RARB: variants seen among roughly 807,000 people sequenced by gnomAD.
RARB encodes retinoic acid receptor beta.
Under a neutral mutation model 51.9 loss-of-function variants are expected in RARB, and 17 were observed. The observed-to-expected ratio is 0.33, with a 90% CI of 0.22 to 0.49. The LOEUF (loss-of-function observed/expected upper bound fraction) is 0.49, where lower values mean the gene tolerates loss of function less well. Ranked by LOEUF, RARB falls within the 20% of genes least tolerant of loss-of-function variation. The probability of loss-of-function intolerance (pLI) is 0.99; values close to 1 mark genes in which losing one functional copy is unlikely to be tolerated. For missense variants in RARB, 369 were observed against 550.8 expected (o/e 0.67, Z 3.30); for synonymous variants, 215 against 195.4 (o/e 1.10, Z -0.84).
At chr3:24,922,636 G>C (rs909875330) in intron 2 of RARB, among the ~76,000 whole-genome samples, 1 of 152,140 alleles carries the variant, frequency 6.6e-6, no homozygotes, top group Non-Finnish European at 1.5e-5. Context: ...AAATTATACT[G>C]CCTCATGGGT....
At chr3:24,958,266 T>G (rs1396726257) in intron 2 of RARB, among the ~76,000 whole-genome samples, 21 of 120,822 alleles carry the variant, frequency 1.7e-4, no homozygotes, top group Admixed American at 4.1e-4. Context: ...TTTTTTTTTT[T>G]TTTTTTTTTT....
At chr3:24,955,117 C>T (rs190833281) in intron 2 of RARB, among the ~76,000 whole-genome samples, 10 of 152,098 alleles carry the variant, frequency 6.6e-5, no homozygotes, top group East Asian at 1.9e-4. Flanking sequence ...GTGATGAATG[C>T]GGAGGATTTT....
chr3:25,373,683 T>A (rs1290812386), intron 5 of RARB, among the ~76,000 whole-genome samples: 1 of 152,096 alleles, frequency 6.6e-6, no homozygotes, highest in African/African-American at 2.4e-5. Context: ...CTCTGGTAAT[T>A]AAAAGGGGGC....
intron 5 of RARB, among the ~76,000 whole-genome samples, chr3:25,309,310 T>TG (rs2125432486): frequency 7.4e-6 from 1 of 135,882 alleles, no homozygotes; most frequent in South Asian, 2.2e-4. Context: ...AATTTTTTGT[T>TG]TTTTTTTTTT....
intron 5 of RARB, among the ~76,000 whole-genome samples, chr3:25,207,409 G>T (rs2125375524): frequency 6.6e-6 from 1 of 152,238 alleles, no homozygotes; most frequent in South Asian, 2.1e-4. Flanking sequence ...TTTGGGACAT[G>T]TAGTCACATC....
intron 2 of RARB, among the ~76,000 whole-genome samples, chr3:25,054,124 T>C (rs1401155199): frequency 6.6e-6 from 1 of 152,058 alleles, no homozygotes; most frequent in Non-Finnish European, 1.5e-5. Context: ...GGCTCTGAGG[T>C]GAGTTAGTGA....
intron 3 of RARB, among the ~76,000 whole-genome samples, chr3:25,060,950 G>C (rs1698536961): frequency 6.6e-6 from 1 of 151,898 alleles, no homozygotes; most frequent in African/African-American, 2.4e-5. Flanking sequence ...TGAAGCATTT[G>C]TGTAAGGAAG....
intron 1 of RARB, among the ~76,000 whole-genome samples, chr3:25,457,107 A>C (rs1209430074): frequency 6.6e-6 from 1 of 151,990 alleles, no homozygotes; most frequent in Non-Finnish European, 1.5e-5. Flanking sequence ...ATTTTTTTTA[A>C]AATGGCAATT....
intron 5 of RARB, among the ~76,000 whole-genome samples, chr3:25,270,850 A>G (rs1199231667): frequency 6.6e-6 from 1 of 152,200 alleles, no homozygotes; most frequent in African/African-American, 2.4e-5. Context: ...ATTAAAAGCA[A>G]TGGGCATTAC....
chr3:25,218,005 T>G (rs1164196780), intron 5 of RARB, among the ~76,000 whole-genome samples: 2 of 152,232 alleles, frequency 1.3e-5, no homozygotes, highest in Non-Finnish European at 2.9e-5. Flanking sequence ...TCTACTCTTT[T>G]TTGTTTTCAT....
intron 5 of RARB, among the ~76,000 whole-genome samples, chr3:25,421,558 C>T (rs1440042692): frequency 6.6e-6 from 1 of 151,632 alleles, no homozygotes. Flanking sequence ...ATTACAGGTG[C>T]GTGCCACCAT....
chr3:25,153,135 AGTGTGTGTGT>A (rs59786696), intron 4 of RARB, among the ~76,000 whole-genome samples: 1 of 149,642 alleles, frequency 6.7e-6, no homozygotes, highest in Non-Finnish European at 1.5e-5. Flanking sequence ...ATAGAGGCAG[AGTGTGTGTGT>A]GTGTGTGTGT....
intron 5 of RARB, among the ~76,000 whole-genome samples, chr3:25,406,446 C>G (rs1252693881): frequency 6.6e-6 from 1 of 152,216 alleles, no homozygotes; most frequent in Non-Finnish European, 1.5e-5. Context: ...TGGGGTTGGT[C>G]TCTCCTGAGA....
rs979285837 is a variant in RARB, at chr3:25,505,327, G to A, written c.448+4004G>A. Among the ~76,000 whole-genome samples, 32 of 152,162 alleles carry A rather than the reference G, an allele frequency of 2.1e-4. 1 individual carries two copies. The highest frequency in any genetic ancestry group is 1.6e-3 in the Admixed American group (25 of 15,278). ...TATACTGCGTGCCATAGGAAGCAGC[G>A]TTTAAAACTCCGAGTTCCTTTTTCC... On this transcript the variant is annotated intron_variant, in intron 3 of 7. Coordinates refer to ENST00000330688, the MANE Select transcript of RARB (RefSeq NM_000965.5).
chr3:25,449,746 TTC>T (rs1018057628), intron 1 of RARB, among the ~76,000 whole-genome samples: 6 of 141,636 alleles, frequency 4.2e-5, no homozygotes, highest in African/African-American at 1.6e-4. Flanking sequence ...AGCAATCTCT[TTC>T]TCTCTCTCTT....
intron 1 of RARB, among the ~76,000 whole-genome samples, chr3:25,450,297 A>C (rs1313702901): frequency 6.6e-6 from 1 of 152,178 alleles, no homozygotes; most frequent in East Asian, 1.9e-4. Context: ...ATAATTAATA[A>C]ATTTCTAATA....
At chr3:25,103,744 T>C (rs2125322231) in intron 3 of RARB, among the ~76,000 whole-genome samples, 1 of 152,372 alleles carries the variant, frequency 6.6e-6, no homozygotes, top group South Asian at 2.1e-4. Context: ...GTGCATCATA[T>C]CCACTTTAAA....
intron 5 of RARB, among the ~76,000 whole-genome samples, chr3:25,203,013 C>A (rs1297020185): frequency 6.6e-6 from 1 of 152,190 alleles, no homozygotes; most frequent in African/African-American, 2.4e-5. Context: ...TCTCATTGAT[C>A]TGTCTAATGC....
At chr3:25,401,836 G>T (rs1463469743) in intron 5 of RARB, among the ~76,000 whole-genome samples, 1 of 152,156 alleles carries the variant, frequency 6.6e-6, no homozygotes, top group African/African-American at 2.4e-5. Flanking sequence ...GAGTGCAGTG[G>T]CATGATCTAG....
Sources: gnomAD v4.1 joint callset for allele counts (sites outside exome capture counted in the v4.1 genomes callset) on GRCh38, gnomAD v4.1.1 for gene constraint, MANE v1.5 for transcripts, NCBI Gene and HGNC (gene_info 2026-07-23, HGNC 2026-07-21) for gene names.